LIPH: variants seen among roughly 807,000 people sequenced by gnomAD.
The protein encoded by LIPH is lipase H.
A neutral mutation model predicts 47.6 loss-of-function variants in LIPH; 32 were observed. The ratio of observed to expected loss-of-function variants is 0.67; its 90% CI spans 0.51 to 0.90. The LOEUF (loss-of-function observed/expected upper bound fraction) is 0.90, where lower values mean the gene tolerates loss of function less well. Ranked by LOEUF, LIPH falls within the 40% of genes least tolerant of loss-of-function variation. The pLI is 0.00. For missense variants in LIPH, 497 were observed against 541.4 expected (o/e 0.92, Z 0.81); for synonymous variants, 190 against 195.6 (o/e 0.97, Z 0.24).
intron 1 of LIPH, among the ~76,000 whole-genome samples, chr3:185,549,066 G>C (rs1720973787): frequency 6.6e-6 from 1 of 151,850 alleles, no homozygotes. Context: ...GGGAGGCAGA[G>C]GTTGCAGTGA....
At chr3:185,543,265 C>T (rs998015110) in intron 1 of LIPH, among the ~76,000 whole-genome samples, 1 of 152,016 alleles carries the variant, frequency 6.6e-6, no homozygotes, top group Non-Finnish European at 1.5e-5. Flanking sequence ...TGCTGAAGTG[C>T]TGTCTAATGT....
intron 3 of LIPH, among the ~76,000 whole-genome samples, chr3:185,529,514 G>T (rs1720243231): frequency 6.7e-6 from 1 of 148,712 alleles, no homozygotes; most frequent in African/African-American, 2.5e-5. Context: ...CTGGACTCAA[G>T]CAGTCCTCCC....
intron 1 of LIPH, among the ~76,000 whole-genome samples, chr3:185,542,801 A>C (rs1720753422): frequency 6.6e-6 from 1 of 152,244 alleles, no homozygotes; most frequent in Admixed American, 6.5e-5. Context: ...AAACGGATGA[A>C]ATCATCTCTT....
At chr3:185,534,365 AAAG>A (rs778597401) in intron 2 of LIPH, among the ~76,000 whole-genome samples, 6 of 152,062 alleles carry the variant, frequency 3.9e-5, no homozygotes, top group African/African-American at 2.4e-5. Flanking sequence ...AAAAAAAAAA[AAAG>A]AAGTTGAGGA....
At chr3:185,523,953 C>T in intron 5 of LIPH, 118 bp downstream of exon 5, 1 of 692,154 alleles carries the variant, frequency 1.4e-6, no homozygotes, top group Non-Finnish European at 2.7e-6. Context: ...AACTCCTGAC[C>T]TCAGGTGATC....
chr3:185,540,054 T>C (rs908506890), intron 1 of LIPH, among the ~76,000 whole-genome samples: 30 of 152,214 alleles, frequency 2.0e-4, no homozygotes, highest in African/African-American at 7.0e-4. Flanking sequence ...TCTGAGGCTC[T>C]TCCTACCCAA....
chr3:185,528,334 G>GAAAGAAAGAAAGAAAGAA (rs1553822853), intron 3 of LIPH, among the ~76,000 whole-genome samples: 4 of 149,816 alleles, frequency 2.7e-5, no homozygotes, highest in Non-Finnish European at 4.4e-5. Flanking sequence ...AAGAAAGAAA[G>GAAAGAAAGAAAGAAAGAA]AAAGAAAGAA....
intron 5 of LIPH, among the ~76,000 whole-genome samples, chr3:185,521,529 G>A (rs1278731712): frequency 6.6e-6 from 1 of 152,192 alleles, no homozygotes; most frequent in African/African-American, 2.4e-5. Context: ...AAGAGCAAGA[G>A]TCATTCAGAT....
chr3:185,514,625 T>C lies in LIPH; in HGVS notation c.983-104A>G, dbSNP rs111572335. ...ACCTCCCTAATCACTGAGTCTCTTC[T>C]TCTCTTTCTCTCTGGTTTCTCTGCA... On this transcript the variant is annotated intron_variant, in intron 7 of 9. Transcript: ENST00000296252. 4.9e-4 allele frequency: 357 copies of C among 728,508 alleles called. 1 individual carries two copies. Among genetic ancestry groups the C allele is most frequent in the African/African-American group, 3.7e-3 (215 of 58,104 alleles). 45.1% of individuals were successfully genotyped at this position (728,508 alleles called of 1,614,324 possible).
intron 1 of LIPH, among the ~76,000 whole-genome samples, chr3:185,546,209 G>A (rs1386580426): frequency 3.3e-5 from 5 of 151,666 alleles, no homozygotes; most frequent in South Asian, 4.2e-4. Context: ...AAAATTAGCC[G>A]GGTGTGGTAG....
intron 1 of LIPH, among the ~76,000 whole-genome samples, chr3:185,549,144 A>T (rs976292935): frequency 6.6e-6 from 1 of 151,844 alleles, no homozygotes; most frequent in African/African-American, 2.4e-5. Context: ...AAAAAAAAAA[A>T]GAAAATATTT....
chr3:185,541,394 C>CTTT (rs11349854), intron 1 of LIPH, among the ~76,000 whole-genome samples: 3 of 130,808 alleles, frequency 2.3e-5, no homozygotes, highest in East Asian at 2.3e-4. Context: ...ATCTTTCTTT[C>CTTT]TTTTTTTTTT....
intron 7 of LIPH, among the ~76,000 whole-genome samples, chr3:185,515,236 GA>G (rs369293210): frequency 7.4e-5 from 11 of 147,664 alleles, no homozygotes; most frequent in South Asian, 2.1e-4. Context: ...CAGACTCAGA[GA>G]AAAAAAAAGT....
chr3:185,542,596 C>T (rs904170274), intron 1 of LIPH, among the ~76,000 whole-genome samples: 2 of 152,070 alleles, frequency 1.3e-5, no homozygotes, highest in Non-Finnish European at 2.9e-5. Flanking sequence ...GGATTACAGG[C>T]GTAAGCCACC....
At position 185,534,861 on chromosome 3, in the gene LIPH, A is replaced by G. The variant is rs748155807; in HGVS notation, c.321T>C (p.Asp107=). 5.0e-6 allele frequency: 8 copies of G among 1,614,188 alleles called. No homozygotes were observed. In the East Asian group the frequency reaches 8.9e-5, roughly 18 times the overall value. The change falls in exon 2 of 10, where the codon GAT becomes GAC. Residue 107 remains aspartate, a synonymous_variant. Transcript: ENST00000296252. ...SVEDMNVVVV[D]WNRGATTLIY... ...TTAAAGTTGTAGCTCCTCGATTCCA[A>G]TCAACAACAACTACGTTCATGTCTT...
rs1422135095 is a variant in LIPH at position 185,543,537 on chromosome 3, A to C, written c.50-8405T>G. On this transcript the variant is annotated intron_variant, in intron 1 of 9. Transcript: ENST00000296252. ...GCAATGGTTCAGTATTTGCTAATGC[A>C]GTGTTTGAGGCCACTTAATGGGACA... Among the ~76,000 whole-genome samples, 3 of 152,318 alleles carry C rather than the reference A, an allele frequency of 2.0e-5. No homozygotes were observed. In the East Asian group the frequency reaches 5.8e-4, roughly 29 times the overall value.
At chr3:185,527,123 C>T (rs1406379906) in intron 4 of LIPH, among the ~76,000 whole-genome samples, 3 of 152,210 alleles carry the variant, frequency 2.0e-5, no homozygotes, top group African/African-American at 4.8e-5. Flanking sequence ...CCTATAATCC[C>T]AGATACTCGG....
chr3:185,523,799 C>T (rs796415625), intron 5 of LIPH, among the ~76,000 whole-genome samples: 17 of 131,758 alleles, frequency 1.3e-4, no homozygotes, highest in African/African-American at 3.6e-4. Flanking sequence ...CTCGGCTCAC[C>T]GCAACCTCTG....
In LIPH at chr3:185,508,388, T is replaced by C. The variant is rs1304630256; in HGVS notation, c.*402A>G. ...CTTCTACGTGTGGGAACTGGAGGAATGTGGCACGGAGAATGCAGAGTTGAG... is the reference window on the plus strand; with the variant it reads ...CTTCTACGTGTGGGAACTGGAGGAACGTGGCACGGAGAATGCAGAGTTGAG... On this transcript the variant is annotated 3_prime_UTR_variant, in exon 10 of 10. Transcript: ENST00000296252. 4 of 226,732 alleles carry C rather than the reference T, an allele frequency of 1.8e-5. No individual in the cohort carries two copies. The highest frequency in any genetic ancestry group is 3.5e-5 in the Non-Finnish European group (4 of 112,720). 14.0% of individuals were successfully genotyped at this position (226,732 alleles called of 1,614,324 possible). A position where few individuals can be genotyped will look rare whatever the true frequency, so the allele number is the denominator to read the frequency against.
Sources: gnomAD v4.1 joint callset for allele counts (sites outside exome capture counted in the v4.1 genomes callset) on GRCh38, gnomAD v4.1.1 for gene constraint, MANE v1.5 for transcripts, NCBI Gene and HGNC (gene_info 2026-07-23, HGNC 2026-07-21) for gene names.